The following GLI3 variants were observed in gnomAD, a reference collection of about 807,000 sequenced individuals.
GLI3 encodes the protein GLI family zinc finger 3.
A neutral mutation model predicts 100.8 loss-of-function variants in GLI3; 20 were observed. The ratio of observed to expected loss-of-function variants is 0.20; its 90% CI spans 0.14 to 0.29. The LOEUF (loss-of-function observed/expected upper bound fraction) is 0.29, where lower values mean the gene tolerates loss of function less well. Ranked by LOEUF, GLI3 falls within the 10% of genes least tolerant of loss-of-function variation. The pLI is 1.00. For missense variants in GLI3, 2,040 were observed against 2,128.5 expected (o/e 0.96, Z 0.82); for synonymous variants, 938 against 860.5 (o/e 1.09, Z -1.58).
chr7:42,263,863 A>G (rs1311286404), intron 1 of GLI3, among the ~76,000 whole-genome samples: 2 of 152,324 alleles, frequency 1.3e-5, no homozygotes, highest in South Asian at 2.1e-4. Context: ...CTGCTATGAA[A>G]CATACAACAA....
chr7:42,246,668 C>T (rs182220761), intron 1 of GLI3, among the ~76,000 whole-genome samples: 34 of 152,142 alleles, frequency 2.2e-4, no homozygotes, highest in Non-Finnish European at 4.9e-4. Flanking sequence ...TGACTTGCAA[C>T]CAAGGGAATC....
intron 2 of GLI3, among the ~76,000 whole-genome samples, chr7:42,189,971 A>AACACACACACACAC (rs57107204): frequency 7.0e-6 from 1 of 143,324 alleles, no homozygotes; most frequent in African/African-American, 2.6e-5. Flanking sequence ...GCATGGGCTC[A>AACACACACACACAC]ACACACACAC....
intron 12 of GLI3, among the ~76,000 whole-genome samples, chr7:41,975,197 C>G (rs1190849542): frequency 6.6e-6 from 1 of 152,204 alleles, no homozygotes; most frequent in African/African-American, 2.4e-5. Flanking sequence ...GCCAGAGGAA[C>G]AGAGAAGTGC....
intron 1 of GLI3, among the ~76,000 whole-genome samples, chr7:42,235,631 C>G (rs1010894064): frequency 6.6e-6 from 1 of 152,158 alleles, no homozygotes; most frequent in Non-Finnish European, 1.5e-5. Context: ...GAAAGCCTAA[C>G]TGGAGAGAAG....
chr7:42,124,067 G>A (rs1206335657), intron 3 of GLI3, among the ~76,000 whole-genome samples: 1 of 152,060 alleles, frequency 6.6e-6, no homozygotes, highest in Non-Finnish European at 1.5e-5. Flanking sequence ...TCTCCCCACT[G>A]TCTTGTCTTG....
Position 41,964,731 on chromosome 7 carries a change from C to G in GLI3, c.4342G>C (p.Val1448Leu). 6.2e-7 allele frequency: 1 copy of G among 1,614,006 alleles called. No homozygotes were observed. Among genetic ancestry groups the G allele is most frequent in the Non-Finnish European group, 8.5e-7 (1 of 1,179,872 alleles). ...TTCGTGTCTTGCTGACTGAAGCCCA[C>G]GGTTTGGTCATAGAACTGACCAGAG... ...NYSGQFYDQT[V>L]GFSQQDTKAG... The change falls in exon 15 of 15, where the codon GTG (valine) becomes CTG (leucine). Residue 1448 changes from valine (V) to leucine (L), a missense_variant. Val to Leu is a conservative substitution (Grantham distance 32, BLOSUM62 1). This residue lies in a region of GLI3 where 1,041 missense variants were observed against 924.0 expected (regional missense o/e 1.13). Transcript: ENST00000395925.
At chr7:42,163,903 C>T (rs946130969) in intron 2 of GLI3, among the ~76,000 whole-genome samples, 2 of 152,190 alleles carry the variant, frequency 1.3e-5, no homozygotes, top group African/African-American at 2.4e-5. Flanking sequence ...TGTGCTGATG[C>T]TTCAGTCTTC....
chr7:42,090,140 T>G (rs1196846991), intron 3 of GLI3, among the ~76,000 whole-genome samples: 1 of 152,166 alleles, frequency 6.6e-6, no homozygotes, highest in African/African-American at 2.4e-5. Context: ...TAAAATATTT[T>G]TAAAATGCTA....
intron 10 of GLI3, among the ~76,000 whole-genome samples, chr7:42,000,678 A>T (rs749441175): frequency 8.5e-5 from 13 of 152,220 alleles, no homozygotes; most frequent in Non-Finnish European, 1.8e-4. Flanking sequence ...GTGGAGAAGC[A>T]TGTGGCTAGA....
intron 2 of GLI3, among the ~76,000 whole-genome samples, chr7:42,201,507 C>A (rs937198201): frequency 6.6e-6 from 1 of 152,162 alleles, no homozygotes; most frequent in South Asian, 2.1e-4. Flanking sequence ...GACACACTAG[C>A]GCAAAGAAAC....
intron 10 of GLI3, among the ~76,000 whole-genome samples, chr7:42,008,154 C>G (rs1462463094): frequency 6.6e-6 from 1 of 152,180 alleles, no homozygotes; most frequent in Non-Finnish European, 1.5e-5. Context: ...TATAATACCC[C>G]ACACCCATGG....
At position 42,048,527 on chromosome 7, in the gene GLI3, T is replaced by C; in HGVS notation, c.643A>G (p.Met215Val). The stretch of plus-strand genomic sequence containing the variant: ...CTCAGCCCACGGGTTGCTGAGATCA[T>C]GGAGAGCGATGGGCTGCTGTGCAAG... The part of the protein sequence containing the change: ...RSLHSSPSLS[M>V]ISATRGLSPT... The change falls in exon 5 of 15, where the codon ATG becomes GTG. Residue 215 changes from methionine to valine, a missense_variant. This residue lies in a region of GLI3 where 603 missense variants were observed against 690.9 expected (regional missense o/e 0.87). Coordinates refer to ENST00000395925, the MANE Select transcript of GLI3 (RefSeq NM_000168.6). 4 of 1,613,346 alleles carry C rather than the reference T, an allele frequency of 2.5e-6. No individual in the cohort carries two copies. In the South Asian group the frequency reaches 3.3e-5, roughly 13 times the overall value.
chr7:42,212,669 C>A (rs1788293869), intron 2 of GLI3, among the ~76,000 whole-genome samples: 2 of 152,178 alleles, frequency 1.3e-5, no homozygotes, highest in Non-Finnish European at 2.9e-5. Context: ...AAGGAAAGGC[C>A]GAGTTCTCCA....
chr7:42,161,551 C>T (rs934182708), intron 2 of GLI3, among the ~76,000 whole-genome samples: 1 of 152,220 alleles, frequency 6.6e-6, no homozygotes, highest in African/African-American at 2.4e-5. Context: ...ATCATCTCCA[C>T]AGTATTTAAT....
intron 2 of GLI3, among the ~76,000 whole-genome samples, 181 bp from the exon 3 acceptor site, chr7:42,148,649 A>G (rs916953012): frequency 6.6e-6 from 1 of 152,192 alleles, no homozygotes; most frequent in Admixed American, 6.5e-5. Flanking sequence ...ATTGTTTATG[A>G]ATGAGGGTCC....
chr7:42,030,865 T>C (rs958355945), intron 7 of GLI3, among the ~76,000 whole-genome samples: 25 of 152,178 alleles, frequency 1.6e-4, no homozygotes, highest in African/African-American at 6.0e-4. Context: ...ATTACAGGCA[T>C]GCACCACCAT....
intron 2 of GLI3, among the ~76,000 whole-genome samples, chr7:42,187,451 T>C (rs77634225): frequency 0.074 from 11,216 of 152,154 alleles, 440 homozygotes; most frequent in African/African-American, 0.099. Context: ...AAAGTTCATT[T>C]ATCATCATTC....
upstream of GLI3, among the ~76,000 whole-genome samples, chr7:42,240,528 G>A (rs1159801505): frequency 6.6e-6 from 1 of 152,132 alleles, no homozygotes; most frequent in Non-Finnish European, 1.5e-5. Context: ...GGCTTCTGGT[G>A]GTGGCTGTCA....
At chr7:42,045,180 G>A (rs951201116) in intron 6 of GLI3, among the ~76,000 whole-genome samples, 48 of 152,058 alleles carry the variant, frequency 3.2e-4, no homozygotes, top group African/African-American at 1.1e-3. Context: ...TGGTATCCTT[G>A]AGCTAAACAG....
Sources: allele counts gnomAD v4.1 joint callset (sites outside exome capture counted in the v4.1 genomes callset), GRCh38; gene constraint gnomAD v4.1.1; regional missense constraint gnomAD v4.1.1; transcripts MANE v1.5; gene names NCBI Gene and HGNC (gene_info 2026-07-23, HGNC 2026-07-21).